Variants in COL21A1 observed in about 807,000 individuals in gnomAD.
COL21A1 encodes collagen type XXI alpha 1 chain, also known as collagen alpha-1(XXI) chain.
A neutral mutation model predicts 137.9 loss-of-function variants in COL21A1; 149 were observed. The ratio of observed to expected loss-of-function variants is 1.08; its 90% CI spans 0.95 to 1.24. The LOEUF is 1.24. Ranked by LOEUF, COL21A1 falls within the 50% of genes most tolerant of loss-of-function variation. The pLI is 0.00. For synonymous variants in COL21A1, 456 were observed against 391.5 expected, an observed-to-expected ratio of 1.16 and a Z score of -1.95; for missense variants, 1,167 against 1,158.4, an observed-to-expected ratio of 1.01 and a Z score of -0.11.
rs559546147 is a variant in COL21A1, at chr6:56,371,972, G to A, written c.-39+21999C>T. On this transcript the variant is annotated intron_variant, in intron 1 of 28. Coordinates refer to the COL21A1 transcript ENST00000370819. ...TGGGTTGGACCCAAGAAACAGGGAGGCCAGAGGTGCTTAGCAAAGTGAAGG... is the reference window on the plus strand; with the variant it reads ...TGGGTTGGACCCAAGAAACAGGGAGACCAGAGGTGCTTAGCAAAGTGAAGG... Among the ~76,000 whole-genome samples, 5 of 152,280 alleles carry A rather than the reference G, an allele frequency of 3.3e-5. No homozygotes were observed. In the South Asian group the frequency reaches 6.2e-4, roughly 19 times the overall value.
rs561560985 is a variant in COL21A1, at chr6:56,276,383, A to G, written c.-38-93727T>C. On this transcript the variant is annotated intron_variant, in intron 1 of 28. Coordinates refer to the COL21A1 transcript ENST00000370819. ...CATGTACCCCTGCATCTCAAATAAA[A>G]GTTGAAATAATTTTTAAAAAGGTTT... is the stretch of plus-strand genomic sequence containing the variant. 5 of 534,992 alleles carry G rather than the reference A, an allele frequency of 9.3e-6. No homozygotes were observed. The South Asian group carries it at 1.1e-4, about 12-fold the overall frequency. 33.1% of individuals were successfully genotyped at this position (534,992 alleles called of 1,614,324 possible). A position where few individuals can be genotyped will look rare whatever the true frequency, so the allele number is the denominator to read the frequency against.
chr6:56,316,631 G>T (rs10948993), intron 1 of COL21A1, among the ~76,000 whole-genome samples: 34,807 of 151,226 alleles, frequency 0.23, 5,061 homozygotes, highest in Middle Eastern at 0.43. Flanking sequence ...ACAGGCATGT[G>T]CCACCACACC....
intron 1 of COL21A1, among the ~76,000 whole-genome samples, chr6:56,318,946 A>T (rs967472607): frequency 6.9e-6 from 1 of 144,988 alleles, no homozygotes; most frequent in Non-Finnish European, 1.5e-5. Context: ...ACACACACAC[A>T]CTCTTAAACC....
chr6:56,377,650 G>C (rs1201927282), intron 1 of COL21A1, among the ~76,000 whole-genome samples: 1 of 152,068 alleles, frequency 6.6e-6, no homozygotes, highest in Non-Finnish European at 1.5e-5. Flanking sequence ...AGGCAGTCCA[G>C]GCTGAAACTC....
intron 1 of COL21A1, among the ~76,000 whole-genome samples, chr6:56,208,498 C>T (rs538952253): frequency 1.1e-3 from 163 of 152,266 alleles, no homozygotes; most frequent in African/African-American, 3.8e-3. Flanking sequence ...ATGAGAACTA[C>T]AAACCACTGC....
At chr6:56,213,561 T>C (rs760966088) in intron 1 of COL21A1, among the ~76,000 whole-genome samples, 3 of 152,114 alleles carry the variant, frequency 2.0e-5, no homozygotes, top group Non-Finnish European at 4.4e-5. Flanking sequence ...CCTTCAATGA[T>C]TGTTGTAAAG....
chr6:56,125,307 C>T, intron 14 of COL21A1: 1 of 240,564 alleles, frequency 4.2e-6, no homozygotes, highest in African/African-American at 2.2e-5. Flanking sequence ...GCGTGAGCCA[C>T]CGCGCCCGGC....
chr6:56,205,574 C>T (rs908266077), intron 1 of COL21A1, among the ~76,000 whole-genome samples: 6 of 152,158 alleles, frequency 3.9e-5, no homozygotes, highest in African/African-American at 1.4e-4. Flanking sequence ...GGATATTATC[C>T]AGGAGAACTT....
At chr6:56,306,559 C>T (rs1273896848) in intron 1 of COL21A1, among the ~76,000 whole-genome samples, 13 of 152,108 alleles carry the variant, frequency 8.5e-5, no homozygotes, top group African/African-American at 2.7e-4. Flanking sequence ...GTGTAGTTCT[C>T]GTGCCTTGGT....
At chr6:56,107,462 CT>C (rs1771054644) in intron 16 of COL21A1, among the ~76,000 whole-genome samples, 8 of 151,728 alleles carry the variant, frequency 5.3e-5, no homozygotes, top group Admixed American at 6.6e-5. Context: ...CTTTCTAAAG[CT>C]TTTTGGAGTA....
intron 17 of COL21A1, among the ~76,000 whole-genome samples, chr6:56,085,984 A>C (rs1043470678): frequency 2.0e-5 from 3 of 148,790 alleles, no homozygotes; most frequent in Admixed American, 1.4e-4. Flanking sequence ...TATATTATAT[A>C]TAAAAATATC....
At chr6:56,263,526 A>C (rs1763330448) in intron 1 of COL21A1, among the ~76,000 whole-genome samples, 1 of 152,206 alleles carries the variant, frequency 6.6e-6, no homozygotes, top group Non-Finnish European at 1.5e-5. Flanking sequence ...GCCATCTTCA[A>C]GGTGAAAAAG....
intron 1 of COL21A1, among the ~76,000 whole-genome samples, chr6:56,198,173 A>G (rs1779154998): frequency 6.6e-6 from 1 of 151,870 alleles, no homozygotes; most frequent in African/African-American, 2.4e-5. Context: ...ATAAAAGTCA[A>G]ACTCAGAAAC....
chr6:56,172,747 T>C (rs549412421), intron 3 of COL21A1, among the ~76,000 whole-genome samples: 2 of 152,156 alleles, frequency 1.3e-5, no homozygotes, highest in East Asian at 3.9e-4. Flanking sequence ...ATATAAAATA[T>C]AAAAAGATGC....
chr6:56,250,856 T>G (rs1349995348), upstream of COL21A1, among the ~76,000 whole-genome samples: 1 of 152,240 alleles, frequency 6.6e-6, no homozygotes, highest in East Asian at 1.9e-4. Flanking sequence ...TAATATTATT[T>G]AATTACTAAA....
intron 12 of COL21A1, among the ~76,000 whole-genome samples, chr6:56,128,845 G>T (rs968288514): frequency 2.2e-4 from 34 of 152,086 alleles, no homozygotes; most frequent in African/African-American, 8.2e-4. Context: ...AGTAGAGACA[G>T]GGTTTCACCC....
chr6:56,380,401 T>C (rs972325538), intron 1 of COL21A1, among the ~76,000 whole-genome samples: 4 of 152,216 alleles, frequency 2.6e-5, no homozygotes, highest in Non-Finnish European at 5.9e-5. Context: ...CCTTTGCCCA[T>C]TTTTTCTAAT....
chr6:56,317,314 C>A (rs913689755), intron 1 of COL21A1, among the ~76,000 whole-genome samples: 2 of 152,148 alleles, frequency 1.3e-5, no homozygotes, highest in Admixed American at 1.3e-4. Context: ...ACATGCCTGG[C>A]ACCATGCAAA....
At chr6:56,218,646 C>G (rs143562670) in intron 1 of COL21A1, among the ~76,000 whole-genome samples, 1 of 151,988 alleles carries the variant, frequency 6.6e-6, no homozygotes, top group African/African-American at 2.4e-5. Context: ...GCTCATTTTA[C>G]ATTTATTTTA....
Sources: allele counts gnomAD v4.1 joint callset (sites outside exome capture counted in the v4.1 genomes callset), GRCh38; gene constraint gnomAD v4.1.1; transcripts MANE v1.5; gene names NCBI Gene and HGNC (gene_info 2026-07-23, HGNC 2026-07-21).